Variants in CPLX1 observed in about 807,000 individuals in gnomAD.
The protein encoded by CPLX1 is complexin 1.
CPLX1 carries 6 observed loss-of-function variants against 15.6 expected under a neutral mutation model. That is an observed-to-expected ratio of 0.39 (90% CI 0.21 to 0.76). The LOEUF (loss-of-function observed/expected upper bound fraction) is 0.76, where lower values mean the gene tolerates loss of function less well. Ranked by LOEUF, CPLX1 falls within the 30% of genes least tolerant of loss-of-function variation. The probability of loss-of-function intolerance (pLI) is 0.43; values close to 1 mark genes in which losing one functional copy is unlikely to be tolerated. For synonymous variants in CPLX1, 91 were observed against 75.2 expected (o/e 1.21, Z -1.08); for missense variants, 242 against 188.6 (o/e 1.28, Z -1.66).
intron 3 of CPLX1, 186 bp from the exon 4 acceptor site, chr4:786,884 G>A: frequency 1.0e-6 from 1 of 982,866 alleles, no homozygotes; most frequent in Non-Finnish European, 1.2e-6. Flanking sequence ...GGAATGGGAA[G>A]CCCCCACGGA....
intron 2 of CPLX1, 101 bp from the exon 3 acceptor site, chr4:792,709 C>G: frequency 7.6e-7 from 1 of 1,315,194 alleles, no homozygotes; most frequent in South Asian, 1.4e-5. Context: ...CCCCCCAAAC[C>G]CTCCATCCAC....
At chr4:788,786 G>T (rs1366513027) in intron 3 of CPLX1, among the ~76,000 whole-genome samples, 1 of 152,242 alleles carries the variant, frequency 6.6e-6, no homozygotes, top group Non-Finnish European at 1.5e-5. Context: ...AGGGGTGTGG[G>T]GGTCTGTGCA....
In CPLX1 at chr4:792,428, C is replaced by T. The variant is rs999917177; in HGVS notation, c.207+5G>A. The T allele has an allele frequency of 3.2e-6, 5 of 1,549,230 alleles. No individual in the cohort carries two copies. Among genetic ancestry groups the T allele is most frequent in the African/African-American group, 1.4e-5 (1 of 72,978 alleles). On this transcript the variant is annotated splice_donor_5th_base_variant and intron_variant, in intron 3 of 3. Transcript: ENST00000304062. Reference sequence around the variant, plus strand: ...TCCCGCAGGCGGGGCCGGCCCGGCGCGCACCTTGTCTCGGATGCCCTGGCG... The same window carrying T: ...TCCCGCAGGCGGGGCCGGCCCGGCGTGCACCTTGTCTCGGATGCCCTGGCG...
Position 786,169 on chromosome 4 carries a change from C to A in CPLX1, c.*332G>T. On this transcript the variant is annotated 3_prime_UTR_variant, in exon 4 of 4. Transcript: ENST00000304062. Reference sequence around the variant, plus strand: ...CGGGCCCGACAGGCGCCCACCGCCGCGAACGCGCGCACAGGGGTGGTCGCG... The same window carrying A: ...CGGGCCCGACAGGCGCCCACCGCCGAGAACGCGCGCACAGGGGTGGTCGCG... 5.3e-6 allele frequency: 1 copy of A among 189,354 alleles called. No homozygotes were observed. 11.7% of individuals were successfully genotyped at this position (189,354 alleles called of 1,614,324 possible). A position where few individuals can be genotyped will look rare whatever the true frequency, so the allele number is the denominator to read the frequency against.
At chr4:813,595 G>A (rs537637538) in intron 2 of CPLX1, among the ~76,000 whole-genome samples, 3 of 152,292 alleles carry the variant, frequency 2.0e-5, no homozygotes, top group African/African-American at 7.2e-5. Flanking sequence ...GAGACCCCCA[G>A]ACTCAGACCA....
chr4:801,673 T>A (rs962999392), intron 2 of CPLX1, among the ~76,000 whole-genome samples: 3 of 152,262 alleles, frequency 2.0e-5, no homozygotes, highest in Non-Finnish European at 4.4e-5. Flanking sequence ...TCCATCTGGG[T>A]GTGCAACAGT....
chr4:824,240 G>T (rs778767684), intron 2 of CPLX1, among the ~76,000 whole-genome samples: 6 of 152,240 alleles, frequency 3.9e-5, no homozygotes, highest in Non-Finnish European at 5.9e-5. Context: ...CAGCAGTGGG[G>T]CAGAGTGAGC....
chr4:818,437 G>T (rs867609359), intron 2 of CPLX1, among the ~76,000 whole-genome samples: 84 of 152,390 alleles, frequency 5.5e-4, no homozygotes, highest in African/African-American at 1.9e-3. Flanking sequence ...TCTGATGCAC[G>T]TCCTGCAATG....
chr4:786,293 G>GCGC lies in CPLX1; in HGVS notation c.*207_*208insGCG, dbSNP rs1745983723. The GCGC allele has an allele frequency of 1.2e-5, 5 of 427,542 alleles. No individual in the cohort carries two copies. Among genetic ancestry groups the GCGC allele is most frequent in the African/African-American group, 2.1e-5 (1 of 48,306 alleles). 26.5% of individuals were successfully genotyped at this position (427,542 alleles called of 1,614,324 possible). A position where few individuals can be genotyped will look rare whatever the true frequency, so the allele number is the denominator to read the frequency against. ...AGGCGATGGGGCTCCAGCCACCCGC[G>GCGC]GGCAGAGGAGCACGGGGCGGACTGG... is the stretch of plus-strand genomic sequence containing the variant. On this transcript the variant is annotated 3_prime_UTR_variant, in exon 4 of 4. Coordinates refer to ENST00000304062, the MANE Select transcript of CPLX1 (RefSeq NM_006651.4).
intron 1 of CPLX1, among the ~76,000 whole-genome samples, chr4:825,438 C>A (rs1255908379): frequency 6.6e-6 from 1 of 151,510 alleles, no homozygotes; most frequent in Non-Finnish European, 1.5e-5. Flanking sequence ...GGAGGCTTTG[C>A]CGCAGCGCCG....
At chr4:795,978 A>C (rs1182932090) in intron 2 of CPLX1, among the ~76,000 whole-genome samples, 1 of 151,922 alleles carries the variant, frequency 6.6e-6, no homozygotes, top group Non-Finnish European at 1.5e-5. Context: ...CTTCCCGGGA[A>C]CCCACCTCCC....
At chr4:788,579 G>T (rs145960640) in intron 3 of CPLX1, 722 of 985,482 alleles carry the variant, frequency 7.3e-4, no homozygotes, top group Admixed American at 8.0e-4. Flanking sequence ...GGCCCTGCAG[G>T]CCCAGAACAA....
Position 786,498 on chromosome 4 carries a change from C to CTGCTGTCCCGCGCGG in CPLX1, c.*2_*3insCCGCGCGGGACAGCA. The CTGCTGTCCCGCGCGG allele has an allele frequency of 1.9e-6, 3 of 1,566,260 alleles. No homozygotes were observed. The highest frequency in any genetic ancestry group is 2.6e-6 in the Non-Finnish European group (3 of 1,154,292). ...CTCCGCGGGGCCGCTGTCCCGCGCG[C>CTGCTGTCCCGCGCGG]GGCTACTTCTTGAGCATGTCCTGCA... On this transcript the variant is annotated 3_prime_UTR_variant, in exon 4 of 4. Coordinates refer to ENST00000304062, the MANE Select transcript of CPLX1 (RefSeq NM_006651.4).
At chr4:817,391 TA>T (rs56378964) in intron 2 of CPLX1, among the ~76,000 whole-genome samples, 1,654 of 126,614 alleles carry the variant, frequency 0.013, 19 homozygotes, top group East Asian at 0.069. Context: ...CCGTCTCTAC[TA>T]AAAAAAAAAA....
intron 2 of CPLX1, among the ~76,000 whole-genome samples, chr4:800,820 AAT>A (rs1266705461): frequency 3.5e-5 from 5 of 141,968 alleles, no homozygotes; most frequent in African/African-American, 5.2e-5. Context: ...TGTATATATA[AAT>A]ATATGTGTGT....
At chr4:822,181 T>A (rs185116052) in intron 2 of CPLX1, among the ~76,000 whole-genome samples, 4 of 151,772 alleles carry the variant, frequency 2.6e-5, no homozygotes, top group Admixed American at 2.6e-4. Flanking sequence ...CCCATCTCTG[T>A]CTCTCCCTCT....
intron 2 of CPLX1, among the ~76,000 whole-genome samples, chr4:794,275 C>A: frequency 6.6e-6 from 1 of 152,248 alleles, no homozygotes; most frequent in Admixed American, 6.5e-5. Flanking sequence ...TGTTTCCCTG[C>A]CCCCCATATC....
Position 825,141 on chromosome 4 carries a change from G to A in CPLX1, c.-79-540C>T, listed in dbSNP as rs542312735. ...CCGCGTAGAAGAGATCGGGGTTGGG[G>A]AGAAACTTCAGGGGGCTCAGCCTTC... is the stretch of plus-strand genomic sequence containing the variant. On this transcript the variant is annotated intron_variant, in intron 1 of 3. Transcript: ENST00000304062. 3.3e-5 allele frequency among the ~76,000 whole-genome samples: 5 copies of A among 152,220 alleles called. No individual in the cohort carries two copies. In the South Asian group the frequency reaches 1.0e-3, roughly 32 times the overall value.
chr4:793,766 G>A (rs561676134), intron 2 of CPLX1, among the ~76,000 whole-genome samples: 1 of 152,232 alleles, frequency 6.6e-6, no homozygotes, highest in Non-Finnish European at 1.5e-5. Context: ...CTCCTCAGTG[G>A]TGAGGCACTG....
Sources: allele counts gnomAD v4.1 joint callset (sites outside exome capture counted in the v4.1 genomes callset), GRCh38; gene constraint gnomAD v4.1.1; transcripts MANE v1.5; gene names NCBI Gene and HGNC (gene_info 2026-07-23, HGNC 2026-07-21).